TSPAN9: variants seen among roughly 807,000 people sequenced by gnomAD.
The protein encoded by TSPAN9 is tetraspanin-9.
A neutral mutation model predicts 31.0 loss-of-function variants in TSPAN9; 16 were observed. That is an observed-to-expected ratio of 0.52 (90% CI 0.35 to 0.78). The LOEUF (loss-of-function observed/expected upper bound fraction) is 0.78. TSPAN9 is among the 30% of genes least tolerant of loss of function. TSPAN9 has a pLI of 0.01. For missense variants in TSPAN9, 272 were observed against 312.5 expected, an observed-to-expected ratio of 0.87 and a Z score of 0.98; for synonymous variants, 145 against 121.6, an observed-to-expected ratio of 1.19 and a Z score of -1.27.
chr12:3,084,953 C>T (rs1220389188), intron 2 of TSPAN9, among the ~76,000 whole-genome samples: 1 of 152,232 alleles, frequency 6.6e-6, no homozygotes, highest in Non-Finnish European at 1.5e-5. Flanking sequence ...AAGTCCTCCT[C>T]CCGCCTCCCT....
intron 2 of TSPAN9, among the ~76,000 whole-genome samples, chr12:3,161,635 G>A (rs2098345274): frequency 6.6e-6 from 1 of 152,188 alleles, no homozygotes; most frequent in Non-Finnish European, 1.5e-5. Context: ...GCACCAGTGA[G>A]CAGCTCCCCA....
intron 3 of TSPAN9, among the ~76,000 whole-genome samples, chr12:3,236,287 T>C (rs1268921530): frequency 1.3e-5 from 2 of 152,230 alleles, no homozygotes; most frequent in Non-Finnish European, 2.9e-5. Flanking sequence ...GGTGCAATAA[T>C]TTAATGTTAA....
At chr12:3,092,955 C>T (rs967651409) in intron 2 of TSPAN9, among the ~76,000 whole-genome samples, 3 of 152,230 alleles carry the variant, frequency 2.0e-5, no homozygotes, top group Non-Finnish European at 4.4e-5. Flanking sequence ...GCGAGTGCTT[C>T]CAGCCTGCTC....
chr12:3,119,717 A>C (rs1335158537), intron 2 of TSPAN9, among the ~76,000 whole-genome samples: 8 of 152,136 alleles, frequency 5.3e-5, no homozygotes, highest in Non-Finnish European at 1.5e-5. Flanking sequence ...TGATTTGGGG[A>C]AGGGAGTGAG....
chr12:3,277,354 C>T (rs1362534320), intron 3 of TSPAN9, among the ~76,000 whole-genome samples: 3 of 152,200 alleles, frequency 2.0e-5, no homozygotes, highest in African/African-American at 4.8e-5. Context: ...TCCATGACTG[C>T]GACAGTGATT....
intron 2 of TSPAN9, among the ~76,000 whole-genome samples, chr12:3,089,585 G>A (rs2098303107): frequency 2.0e-5 from 3 of 152,010 alleles, no homozygotes; most frequent in Admixed American, 1.3e-4. Context: ...GTGAGCCACT[G>A]CGCCTGGTCT....
chr12:3,186,452 C>G (rs1669582290), intron 2 of TSPAN9, among the ~76,000 whole-genome samples: 1 of 151,978 alleles, frequency 6.6e-6, no homozygotes, highest in African/African-American at 2.4e-5. Flanking sequence ...AAGAATGTTC[C>G]AGGCAGAGGG....
intron 3 of TSPAN9, among the ~76,000 whole-genome samples, chr12:3,239,775 CAG>C (rs1175620718): frequency 1.3e-5 from 2 of 152,076 alleles, no homozygotes; most frequent in Admixed American, 1.3e-4. Flanking sequence ...GAGCTTCCGA[CAG>C]GGTCCTGATG....
chr12:3,250,373 T>C (rs1490410423), intron 3 of TSPAN9, among the ~76,000 whole-genome samples: 1 of 152,222 alleles, frequency 6.6e-6, no homozygotes, highest in Non-Finnish European at 1.5e-5. Context: ...CCTTCATGAT[T>C]TTGCAGACTC....
chr12:3,118,263 T>G (rs112377546), intron 2 of TSPAN9, among the ~76,000 whole-genome samples: 7 of 60,046 alleles, frequency 1.2e-4, no homozygotes, highest in African/African-American at 1.2e-4. Context: ...GCCGTTTTTT[T>G]TTTTTTTTTT....
chr12:3,225,112 C>T (rs749708166), intron 3 of TSPAN9, among the ~76,000 whole-genome samples: 1 of 152,202 alleles, frequency 6.6e-6, no homozygotes, highest in Non-Finnish European at 1.5e-5. Flanking sequence ...ATCAATCATC[C>T]TCGCACCCTG....
intron 2 of TSPAN9, among the ~76,000 whole-genome samples, chr12:3,084,731 G>A (rs10774112): frequency 0.57 from 87,407 of 152,208 alleles, 27,768 homozygotes; most frequent in Non-Finnish European, 0.69. Context: ...AAGGCCCCGT[G>A]GGGTAGCTGT....
At chr12:3,152,818 C>T (rs1431142012) in intron 2 of TSPAN9, among the ~76,000 whole-genome samples, 3 of 152,320 alleles carry the variant, frequency 2.0e-5, no homozygotes, top group Non-Finnish European at 4.4e-5. Flanking sequence ...GAACTCCTGA[C>T]CTCAGGTGAT....
chr12:3,089,545 T>G (rs931853118), intron 2 of TSPAN9, among the ~76,000 whole-genome samples: 1 of 151,970 alleles, frequency 6.6e-6, no homozygotes, highest in Non-Finnish European at 1.5e-5. Flanking sequence ...TCCGCCCTCC[T>G]TGGCCTCCCA....
chr12:3,244,549 C>T (rs572061178), intron 3 of TSPAN9, among the ~76,000 whole-genome samples: 24 of 152,310 alleles, frequency 1.6e-4, no homozygotes, highest in African/African-American at 4.6e-4. Flanking sequence ...AATGGCCTGG[C>T]GAGGTCTGCT....
At chr12:3,257,787 C>T (rs1199489415) in intron 3 of TSPAN9, among the ~76,000 whole-genome samples, 7 of 138,872 alleles carry the variant, frequency 5.0e-5, no homozygotes, top group Non-Finnish European at 3.1e-5. Context: ...AGGGGGGCGG[C>T]GGGGAGGCGA....
intron 3 of TSPAN9, among the ~76,000 whole-genome samples, chr12:3,207,896 A>C (rs1342390181): frequency 4.6e-5 from 7 of 152,174 alleles, no homozygotes; most frequent in Non-Finnish European, 7.4e-5. Context: ...GGCAGCTTTT[A>C]CATGAACAAA....
At chr12:3,264,810 G>T (rs1319988514) in intron 3 of TSPAN9, among the ~76,000 whole-genome samples, 1 of 152,246 alleles carries the variant, frequency 6.6e-6, no homozygotes, top group Non-Finnish European at 1.5e-5. Context: ...GACTCTATGT[G>T]GTAGGTACCA....
At chr12:3,251,255 C>T (rs1327253021) in intron 3 of TSPAN9, among the ~76,000 whole-genome samples, 2 of 152,166 alleles carry the variant, frequency 1.3e-5, no homozygotes, top group African/African-American at 2.4e-5. Flanking sequence ...TCAGCTTGCA[C>T]CCGCTGTGTG....
Sources: gnomAD v4.1 joint callset for allele counts (sites outside exome capture counted in the v4.1 genomes callset) on GRCh38, gnomAD v4.1.1 for gene constraint, MANE v1.5 for transcripts, NCBI Gene and HGNC (gene_info 2026-07-23, HGNC 2026-07-21) for gene names.